The following TENM2 variants were observed in gnomAD, a reference collection of about 807,000 sequenced individuals.
TENM2 encodes teneurin-2.
A neutral mutation model predicts 245.2 loss-of-function variants in TENM2; 52 were observed. The ratio of observed to expected loss-of-function variants is 0.21; its 90% confidence interval spans 0.17 to 0.27. The LOEUF is 0.27. Ranked by LOEUF, TENM2 falls within the 10% of genes least tolerant of loss-of-function variation. TENM2 has a pLI of 1.00. For missense variants in TENM2, 3,046 were observed against 3,666.8 expected (o/e 0.83, Z 4.37); for synonymous variants, 1,363 against 1,438.9 (o/e 0.95, Z 1.19).
chr5:167,100,510 C>T, the TENM2 span, among the ~76,000 whole-genome samples: 1 of 152,166 alleles, frequency 6.6e-6, no homozygotes, highest in Admixed American at 6.5e-5. Flanking sequence ...CTTGAGACCA[C>T]ATTTGGGAAG....
intron 5 of TENM2, among the ~76,000 whole-genome samples, chr5:168,045,365 T>G (rs1460130087): frequency 2.6e-5 from 4 of 152,210 alleles, no homozygotes; most frequent in Non-Finnish European, 5.9e-5. Context: ...GGAAACACAG[T>G]TGCAGGGATG....
intron 1 of TENM2, among the ~76,000 whole-genome samples, chr5:167,364,407 A>T (rs1023183609): frequency 2.0e-5 from 3 of 152,124 alleles, no homozygotes; most frequent in African/African-American, 7.2e-5. Flanking sequence ...AGGAAAATGC[A>T]GGGAGCACAA....
At chr5:167,848,461 T>G (rs752623015) in intron 2 of TENM2, among the ~76,000 whole-genome samples, 8 of 152,174 alleles carry the variant, frequency 5.3e-5, no homozygotes, top group Non-Finnish European at 1.5e-5. Flanking sequence ...AAACATATTA[T>G]ATATTTTGTA....
intron 2 of TENM2, among the ~76,000 whole-genome samples, chr5:167,847,837 A>C (rs1294471249): frequency 4.6e-5 from 7 of 152,226 alleles, no homozygotes; most frequent in African/African-American, 1.7e-4. Flanking sequence ...TTATACTGAT[A>C]TAAAACTCCA....
At chr5:167,059,722 T>TTG in the TENM2 span, among the ~76,000 whole-genome samples, 1 of 87,222 alleles carries the variant, frequency 1.1e-5, no homozygotes, top group Non-Finnish European at 2.3e-5. Context: ...TTTTTTTTTT[T>TTG]GATGGAGTTT....
At chr5:167,079,604 C>A in the TENM2 span, among the ~76,000 whole-genome samples, 1 of 151,300 alleles carries the variant, frequency 6.6e-6, no homozygotes, top group East Asian at 1.9e-4. Context: ...TGAGCCACCA[C>A]ACCCGGCCTA....
intron 5 of TENM2, among the ~76,000 whole-genome samples, chr5:167,998,056 T>A (rs972691784): frequency 6.6e-6 from 1 of 152,222 alleles, no homozygotes. Flanking sequence ...ATACTTTCTA[T>A]AGGATAAATT....
At chr5:167,706,307 G>A (rs868291589) in intron 2 of TENM2, among the ~76,000 whole-genome samples, 1 of 145,944 alleles carries the variant, frequency 6.9e-6, no homozygotes, top group African/African-American at 2.5e-5. Flanking sequence ...ATGTATCACA[G>A]TATATATAAG....
intron 2 of TENM2, among the ~76,000 whole-genome samples, chr5:167,613,343 G>A (rs1777593189): frequency 1.3e-5 from 2 of 152,088 alleles, no homozygotes; most frequent in African/African-American, 2.4e-5. Context: ...GCTGTACTAG[G>A]TGCTCTGTAC....
chr5:167,182,500 A>G, the TENM2 span, among the ~76,000 whole-genome samples: 5 of 152,188 alleles, frequency 3.3e-5, no homozygotes, highest in African/African-American at 1.2e-4. Flanking sequence ...TATACTTTTA[A>G]GAAAGGCTTT....
chr5:167,499,584 T>C (rs983861205), intron 2 of TENM2, among the ~76,000 whole-genome samples: 2 of 152,188 alleles, frequency 1.3e-5, no homozygotes, highest in Non-Finnish European at 2.9e-5. Context: ...TCCTCACTAA[T>C]TTGGGGCATG....
In TENM2 at chr5:168,098,141, C is replaced by T. The variant is rs763579740; in HGVS notation, c.1813+14C>T. The T allele has an allele frequency of 6.3e-7, 1 of 1,593,632 alleles. No individual in the cohort carries two copies. The highest frequency in any genetic ancestry group is 1.7e-5 in the Admixed American group (1 of 59,756). On this transcript the variant is annotated intron_variant, in intron 9 of 28. Transcript: ENST00000518659. The stretch of plus-strand genomic sequence containing the variant: ...ACTGTGCTAAAGGTATGTGCCGCCA[C>T]TTCCCTGCTATGGTTGGAAAACAGA...
At chr5:167,528,777 T>C (rs1771289252) in intron 2 of TENM2, among the ~76,000 whole-genome samples, 1 of 152,178 alleles carries the variant, frequency 6.6e-6, no homozygotes, top group African/African-American at 2.4e-5. Flanking sequence ...ATAATCTCTG[T>C]TGAACTCAAT....
At chr5:168,009,137 A>G (rs771079990) in intron 5 of TENM2, among the ~76,000 whole-genome samples, 1 of 152,262 alleles carries the variant, frequency 6.6e-6, no homozygotes, top group Non-Finnish European at 1.5e-5. Context: ...AAGACTCAGC[A>G]TACCCATTTA....
At chr5:168,113,379 A>G (rs1317800651) in intron 9 of TENM2, among the ~76,000 whole-genome samples, 1 of 152,126 alleles carries the variant, frequency 6.6e-6, no homozygotes, top group African/African-American at 2.4e-5. Flanking sequence ...ACTTCAAATA[A>G]TTTTTTAAAT....
At chr5:167,555,740 C>T (rs1773222930) in intron 2 of TENM2, among the ~76,000 whole-genome samples, 1 of 152,096 alleles carries the variant, frequency 6.6e-6, no homozygotes, top group South Asian at 2.1e-4. Context: ...CTGTAACTCT[C>T]GGAATCAGTA....
intron 12 of TENM2, among the ~76,000 whole-genome samples, chr5:168,159,138 C>T (rs757161418): frequency 1.2e-4 from 18 of 150,960 alleles, no homozygotes; most frequent in Non-Finnish European, 2.2e-4. Context: ...AGTGAGACTC[C>T]GTCTCAAAAA....
intron 13 of TENM2, among the ~76,000 whole-genome samples, chr5:168,178,543 G>A (rs764661985): frequency 3.9e-5 from 6 of 152,180 alleles, no homozygotes; most frequent in Admixed American, 2.0e-4. Context: ...AGAGAGGCCT[G>A]TCAGAGGCTG....
intron 2 of TENM2, among the ~76,000 whole-genome samples, chr5:167,769,299 A>G (rs1271098350): frequency 6.6e-6 from 1 of 152,200 alleles, no homozygotes; most frequent in African/African-American, 2.4e-5. Context: ...GTTTTGTGCC[A>G]TTTAACTGAT....
Sources: allele counts gnomAD v4.1 joint callset (sites outside exome capture counted in the v4.1 genomes callset), GRCh38; gene constraint gnomAD v4.1.1; transcripts MANE v1.5; gene names NCBI Gene and HGNC (gene_info 2026-07-23, HGNC 2026-07-21).